The following NUDCD1 variants were observed in gnomAD, a reference collection of about 807,000 sequenced individuals.
NUDCD1 encodes NudC domain containing 1, also known as nudC domain-containing protein 1.
Under a neutral mutation model 67.8 loss-of-function variants are expected in NUDCD1, and 60 were observed. The observed-to-expected ratio is 0.88, with a 90% CI of 0.72 to 1.10. The LOEUF is 1.10. NUDCD1 is among the 50% of genes least tolerant of loss of function. NUDCD1 has a pLI of 0.00. For synonymous variants in NUDCD1, 244 were observed against 230.8 expected (o/e 1.06, Z -0.52); for missense variants, 643 against 695.0 (o/e 0.93, Z 0.84).
rs781734695 is a variant in NUDCD1, at chr8:109,334,022, G to A, written c.-12C>T. Reference sequence around the variant, plus strand: ...GCCGCCACCTCCATCGCTTTCCAGGGCCGCAGCGTGAGAATTAATAAAGCC... The same window carrying A: ...GCCGCCACCTCCATCGCTTTCCAGGACCGCAGCGTGAGAATTAATAAAGCC... On this transcript the variant is annotated 5_prime_UTR_variant, in exon 1 of 10. Transcript: ENST00000239690. 1.9e-6 allele frequency: 3 copies of A among 1,613,984 alleles called. No individual in the cohort carries two copies. The highest frequency in any genetic ancestry group is 2.2e-5 in the East Asian group (1 of 44,890).
intron 2 of NUDCD1, among the ~76,000 whole-genome samples, chr8:109,301,443 CTTG>C (rs776717140): frequency 7.2e-5 from 11 of 152,224 alleles, no homozygotes; most frequent in Admixed American, 3.9e-4. Context: ...AATAAACAGC[CTTG>C]TTGTTCACAC....
At chr8:109,296,335 ATTTACATATACT>A in intron 3 of NUDCD1, 37 bp downstream of exon 3, 1 of 1,432,406 alleles carries the variant, frequency 7.0e-7, no homozygotes, top group Non-Finnish European at 9.8e-7. Context: ...GTAGGGTGTA[ATTTACATATACT>A]TTCTGGACTT....
At chr8:109,293,713 T>TTTTAAGAAAATATTTATTTG (rs1305672219) in intron 3 of NUDCD1, among the ~76,000 whole-genome samples, 189 bp from the exon 4 acceptor site, 3 of 152,058 alleles carry the variant, frequency 2.0e-5, no homozygotes, top group African/African-American at 7.2e-5. Flanking sequence ...AGGACAGAAC[T>TTTTAAGAAAATATTTATTTG]TTTAAGAAAA....
chr8:109,288,272 C>A (rs920391982), intron 5 of NUDCD1, among the ~76,000 whole-genome samples: 1 of 152,158 alleles, frequency 6.6e-6, no homozygotes, highest in Non-Finnish European at 1.5e-5. Context: ...AGGCTTCAAT[C>A]TGTCTTGGAA....
At chr8:109,292,452 TA>T (rs1310103040) in intron 4 of NUDCD1, among the ~76,000 whole-genome samples, 1 of 152,064 alleles carries the variant, frequency 6.6e-6, no homozygotes, top group African/African-American at 2.4e-5. Flanking sequence ...TGTTTTAGAA[TA>T]AAAGGCAAAA....
chr8:109,267,585 T>A (rs1451097108), intron 8 of NUDCD1, among the ~76,000 whole-genome samples: 1 of 152,162 alleles, frequency 6.6e-6, no homozygotes, highest in African/African-American at 2.4e-5. Context: ...CATAAAGGGC[T>A]TATAATCATA....
At chr8:109,308,229 T>C (rs1049915501) in intron 2 of NUDCD1, among the ~76,000 whole-genome samples, 8 of 152,228 alleles carry the variant, frequency 5.3e-5, no homozygotes, top group East Asian at 1.9e-4. Context: ...TGAATGATCA[T>C]TGGGTCAAAA....
Position 109,312,625 on chromosome 8 carries a change from A to G in NUDCD1, c.273+9684T>C, listed in dbSNP as rs150578539. On this transcript the variant is annotated intron_variant, in intron 2 of 9. Transcript: ENST00000239690. ...ATGTTTATTTTAATAACGAAAAGGA[A>G]AAACTGTGCCAATAAAAACTAGGAA... is the stretch of plus-strand genomic sequence containing the variant. Among the ~76,000 whole-genome samples the G allele has an allele frequency of 2.4e-3, 373 of 152,338 alleles. 6 individuals are homozygous for G. In the South Asian group the frequency reaches 0.031, roughly 13 times the overall value.
chr8:109,273,407 A>C (rs1045309525), intron 7 of NUDCD1, among the ~76,000 whole-genome samples: 6 of 152,188 alleles, frequency 3.9e-5, no homozygotes, highest in African/African-American at 1.4e-4. Context: ...AATTTAGAGA[A>C]TGCAGCTACA....
chr8:109,268,754 T>C (rs1313049712), intron 8 of NUDCD1, among the ~76,000 whole-genome samples: 1 of 152,176 alleles, frequency 6.6e-6, no homozygotes, highest in Non-Finnish European at 1.5e-5. Context: ...TCCAGTTAAG[T>C]CAGATTCAAC....
chr8:109,330,967 G>A (rs1311527676), intron 1 of NUDCD1, among the ~76,000 whole-genome samples: 2 of 151,994 alleles, frequency 1.3e-5, no homozygotes, highest in East Asian at 1.9e-4. Context: ...ATGGGTTGAC[G>A]GGTGCAGCAA....
Position 109,333,875 on chromosome 8 carries a change from G to A in NUDCD1, c.118+18C>T. On this transcript the variant is annotated intron_variant, in intron 1 of 9. Transcript: ENST00000239690. ...AAGGGGAAAGGAACGGAGTACGAAG[G>A]GCGCCGCCGCTTCCCACCTGCGTCA... 1 of 1,613,702 alleles carries A rather than the reference G, an allele frequency of 6.2e-7. No homozygotes were observed. Among genetic ancestry groups the A allele is most frequent in the Non-Finnish European group, 8.5e-7 (1 of 1,179,794 alleles).
intron 1 of NUDCD1, among the ~76,000 whole-genome samples, chr8:109,326,440 G>A (rs1159076769): frequency 2.6e-5 from 4 of 152,184 alleles, no homozygotes; most frequent in African/African-American, 9.7e-5. Context: ...GAATGTGACA[G>A]TTCTTAGCTA....
intron 8 of NUDCD1, among the ~76,000 whole-genome samples, chr8:109,267,336 C>T (rs1814026904): frequency 6.6e-6 from 1 of 151,954 alleles, no homozygotes; most frequent in Non-Finnish European, 1.5e-5. Context: ...TCCATATGTA[C>T]TCAGTATTTA....
At position 109,246,584 on chromosome 8, in the gene NUDCD1, T is replaced by G. The variant is rs77911995; in HGVS notation, c.1300-1103A>C. On this transcript the variant is annotated intron_variant, in intron 8 of 9. Coordinates refer to ENST00000239690, the MANE Select transcript of NUDCD1 (RefSeq NM_032869.4). ...ATATTGATGCCTAAAGAAATGCATT[T>G]TAATACAAAATCATCAAATTGAAAC... Among the ~76,000 whole-genome samples the G allele has an allele frequency of 8.5e-3, 1,299 of 152,272 alleles. 16 individuals carry two copies. The highest frequency in any genetic ancestry group is 0.03 in the African/African-American group (1,251 of 41,564).
At position 109,327,211 on chromosome 8, in the gene NUDCD1, A is replaced by G. The variant is rs578120951; in HGVS notation, c.119-4748T>C. Among the ~76,000 whole-genome samples the G allele has an allele frequency of 7.9e-5, 12 of 152,334 alleles. No individual in the cohort carries two copies. In the South Asian group the frequency reaches 2.1e-3, roughly 26 times the overall value. Reference sequence around the variant, plus strand: ...GTCCACAAATTCTAAAGCGAGACTTAAAGAACACGGGAGGACCAGAGTTAA... The same window carrying G: ...GTCCACAAATTCTAAAGCGAGACTTGAAGAACACGGGAGGACCAGAGTTAA... On this transcript the variant is annotated intron_variant, in intron 1 of 9. Transcript: ENST00000239690.
intron 8 of NUDCD1, among the ~76,000 whole-genome samples, chr8:109,260,619 CAT>C (rs1813844404): frequency 1.3e-5 from 2 of 152,228 alleles, no homozygotes; most frequent in African/African-American, 4.8e-5. Flanking sequence ...GTATAATTCA[CAT>C]ATCTCAGATA....
intron 7 of NUDCD1, among the ~76,000 whole-genome samples, chr8:109,274,569 C>A (rs1045239001): frequency 2.0e-5 from 3 of 152,156 alleles, no homozygotes; most frequent in Non-Finnish European, 4.4e-5. Context: ...TCAATTACTA[C>A]TGGCAAACAT....
intron 8 of NUDCD1, among the ~76,000 whole-genome samples, chr8:109,251,894 T>C (rs1019370793): frequency 6.6e-6 from 1 of 152,134 alleles, no homozygotes; most frequent in African/African-American, 2.4e-5. Flanking sequence ...TAACATGTAA[T>C]GCTGTAAATA....
Sources: gnomAD v4.1 joint callset for allele counts (sites outside exome capture counted in the v4.1 genomes callset) on GRCh38, gnomAD v4.1.1 for gene constraint, MANE v1.5 for transcripts, NCBI Gene and HGNC (gene_info 2026-07-23, HGNC 2026-07-21) for gene names.